RAF1: variants seen among roughly 807,000 people sequenced by gnomAD.
RAF1 encodes the protein Raf-1 proto-oncogene, serine/threonine kinase, also known as RAF proto-oncogene serine/threonine-protein kinase.
RAF1 carries 27 observed loss-of-function variants against 81.1 expected under a neutral mutation model. That is an observed-to-expected ratio of 0.33 (90% CI 0.25 to 0.46). The LOEUF (loss-of-function observed/expected upper bound fraction) is 0.46. Among genes scored for constraint, RAF1 ranks in the 20% least tolerant of loss-of-function variants. The probability of loss-of-function intolerance (pLI) is 1.00; values close to 1 mark genes in which losing one functional copy is unlikely to be tolerated. For synonymous variants in RAF1, 298 were observed against 294.0 expected, an observed-to-expected ratio of 1.01 and a Z score of -0.14; for missense variants, 598 against 826.0, an observed-to-expected ratio of 0.72 and a Z score of 3.38.
chr3:12,640,225 G>C (rs2060143148), intron 1 of RAF1, among the ~76,000 whole-genome samples: 1 of 152,120 alleles, frequency 6.6e-6, no homozygotes, highest in South Asian at 2.1e-4. Flanking sequence ...ATTTAAGATG[G>C]ATTAAAGACT....
chr3:12,623,231 T>C (rs2059601202), intron 1 of RAF1, among the ~76,000 whole-genome samples: 2 of 152,160 alleles, frequency 1.3e-5, no homozygotes, highest in African/African-American at 4.8e-5. Flanking sequence ...AAGACTGTAT[T>C]GGAATTGACT....
intron 1 of RAF1, among the ~76,000 whole-genome samples, chr3:12,629,470 G>GT (rs1160218929): frequency 3.3e-5 from 5 of 152,184 alleles, no homozygotes; most frequent in African/African-American, 1.2e-4. Flanking sequence ...TGCTTATTAT[G>GT]TATCAGTTCT....
intron 1 of RAF1, among the ~76,000 whole-genome samples, chr3:12,639,170 A>C (rs1051154506): frequency 6.6e-6 from 1 of 152,192 alleles, no homozygotes; most frequent in African/African-American, 2.4e-5. Context: ...AAAATTCAAC[A>C]GCCCTTCATG....
At chr3:12,587,560 C>A (rs2058368094) in intron 14 of RAF1, 31 bp downstream of exon 13, 1 of 1,580,984 alleles carries the variant, frequency 6.3e-7, no homozygotes, top group Non-Finnish European at 8.7e-7. Flanking sequence ...TAGAACCGAG[C>A]AGTCAAATGA....
At chr3:12,593,197 A>C (rs1302180705) in intron 11 of RAF1, among the ~76,000 whole-genome samples, 1 of 151,334 alleles carries the variant, frequency 6.6e-6, no homozygotes, top group African/African-American at 2.4e-5. Flanking sequence ...CTCCTGCCTC[A>C]GCCTCCCGAG....
chr3:12,633,490 A>AG (rs199506583), intron 1 of RAF1, among the ~76,000 whole-genome samples: 7,969 of 146,718 alleles, frequency 0.054, 276 homozygotes, highest in Non-Finnish European at 0.084. Context: ...CTGGAAATTA[A>AG]AAAAAAAAAA....
chr3:12,663,810 T>TA lies in RAF1; in HGVS notation c.-27+2dup. On this transcript the variant is annotated splice_region_variant and intron_variant, in intron 1 of 17. Transcript: ENST00000442415. ...GCATCCACGACCCGGTCCTGCCACCTACCTGAGGGAGCCAGGCCGCCCCAA... is the reference window on the plus strand; with the variant it reads ...GCATCCACGACCCGGTCCTGCCACCTAACCTGAGGGAGCCAGGCCGCCCCAA... 2.5e-6 allele frequency: 1 copy of TA among 397,148 alleles called. No individual in the cohort carries two copies. The highest frequency in any genetic ancestry group is 4.4e-6 in the Non-Finnish European group (1 of 225,294). The allele number at this position is 397,148 out of a possible 1,614,324, so 24.6% of individuals were successfully genotyped here. A position where few individuals can be genotyped will look rare whatever the true frequency, so the allele number is the denominator to read the frequency against.
At position 12,635,803 on chromosome 3, in the gene RAF1, C is replaced by T. The variant is rs2060009097; in HGVS notation, c.-26-17056G>A. ...CCTGGCTAACACGGTGAAACCCCATCTCTACTAAAAATACAAAAAATTAGC... is the reference window on the plus strand; with the variant it reads ...CCTGGCTAACACGGTGAAACCCCATTTCTACTAAAAATACAAAAAATTAGC... On this transcript the variant is annotated intron_variant, in intron 1 of 17. Transcript: ENST00000442415. Among the ~76,000 whole-genome samples the T allele has an allele frequency of 2.6e-5, 4 of 151,324 alleles. No homozygotes were observed. The South Asian group carries it at 8.4e-4, about 32-fold the overall frequency.
At chr3:12,614,413 C>CGT (rs959212902) in intron 2 of RAF1, among the ~76,000 whole-genome samples, 67 of 100,738 alleles carry the variant, frequency 6.7e-4, no homozygotes, top group Middle Eastern at 5.6e-3. Flanking sequence ...TACGTGCGTG[C>CGT]GTGTGTGTGT....
chr3:12,645,795 G>A (rs569577923), intron 1 of RAF1, among the ~76,000 whole-genome samples: 4 of 152,110 alleles, frequency 2.6e-5, no homozygotes, highest in South Asian at 2.1e-4. Flanking sequence ...GGCTAGTCTC[G>A]AACTCCTGGC....
At chr3:12,591,197 C>T (rs1015161542) in intron 12 of RAF1, among the ~76,000 whole-genome samples, 16 of 152,146 alleles carry the variant, frequency 1.1e-4, no homozygotes, top group African/African-American at 3.9e-4. Context: ...TCAGTGCCAG[C>T]CTTGCTTACA....
At chr3:12,646,626 T>C (rs1323983222) in intron 1 of RAF1, among the ~76,000 whole-genome samples, 1 of 151,142 alleles carries the variant, frequency 6.6e-6, no homozygotes, top group Non-Finnish European at 1.5e-5. Context: ...TATCGGCTCA[T>C]TGCAACCTCC....
At position 12,657,863 on chromosome 3, in the gene RAF1, AAAAC is replaced by A. The variant is rs1216282576; in HGVS notation, c.-27+5946_-27+5949del. On this transcript the variant is annotated intron_variant, in intron 1 of 17. Coordinates refer to ENST00000442415, the MANE Select transcript of RAF1 (RefSeq NM_001354689.3). ...TAGAACACTTTTATCACCCAAAAAA[AAAAC>A]AAAACAAAACAAAACAAAACAAAAA... is the stretch of plus-strand genomic sequence containing the variant. 1.8e-3 allele frequency among the ~76,000 whole-genome samples: 124 copies of A among 68,686 alleles called. 1 individual carries two copies. The South Asian group carries it at 0.065, about 36-fold the overall frequency. 45.1% of individuals were successfully genotyped at this position (68,686 alleles called of 152,430 possible).
intron 1 of RAF1, among the ~76,000 whole-genome samples, chr3:12,654,202 G>A (rs940763868): frequency 1.3e-5 from 2 of 151,860 alleles, no homozygotes; most frequent in African/African-American, 4.8e-5. Context: ...TGCCCAGGCT[G>A]GTTTTGAACT....
chr3:12,602,649 G>A (rs1255635833), intron 8 of RAF1, among the ~76,000 whole-genome samples: 1 of 152,152 alleles, frequency 6.6e-6, no homozygotes, highest in Non-Finnish European at 1.5e-5. Context: ...GTATTACAGT[G>A]TTCATACAGG....
chr3:12,590,427 C>T (rs1436937760), intron 13 of RAF1: 11 of 83,590 alleles, frequency 1.3e-4, no homozygotes, highest in African/African-American at 9.3e-4. Flanking sequence ...AATGTTCAAG[C>T]GATTCTCCCT....
chr3:12,610,721 T>C (rs2059183773), intron 3 of RAF1, among the ~76,000 whole-genome samples: 1 of 152,148 alleles, frequency 6.6e-6, no homozygotes, highest in Non-Finnish European at 1.5e-5. Context: ...CATGAAAAAA[T>C]GTAAGCTAAC....
At chr3:12,611,869 A>G in intron 3 of RAF1, 81 bp downstream of exon 3, 1 of 984,966 alleles carries the variant, frequency 1.0e-6, no homozygotes, top group Admixed American at 1.7e-5. Context: ...GGAAGCTAGT[A>G]CAATTTAATA....
intron 2 of RAF1, among the ~76,000 whole-genome samples, chr3:12,614,148 A>G (rs998674737): frequency 1.1e-4 from 16 of 152,248 alleles, no homozygotes; most frequent in African/African-American, 3.6e-4. Context: ...ACCTCTGAGG[A>G]AAAGAAATGG....
Sources: gnomAD v4.1 joint callset for allele counts (sites outside exome capture counted in the v4.1 genomes callset) on GRCh38, gnomAD v4.1.1 for gene constraint, MANE v1.5 for transcripts, NCBI Gene and HGNC (gene_info 2026-07-23, HGNC 2026-07-21) for gene names.